The following ZSCAN23 variants were observed in gnomAD, a reference collection of about 807,000 sequenced individuals.
The protein encoded by ZSCAN23 is zinc finger and SCAN domain-containing protein 23.
ZSCAN23 carries 19 observed loss-of-function variants against 19.3 expected under a neutral mutation model. That is an observed-to-expected ratio of 0.99 (90% CI 0.69 to 1.45). The LOEUF is 1.45. Ranked by LOEUF, ZSCAN23 falls within the 40% of genes most tolerant of loss-of-function variation. The probability of loss-of-function intolerance (pLI) is 0.00; values close to 1 mark genes in which losing one functional copy is unlikely to be tolerated. For missense variants in ZSCAN23, 372 were observed against 462.5 expected (o/e 0.80, Z 1.79); for synonymous variants, 140 against 166.2 (o/e 0.84, Z 1.21).
At chr6:28,439,720 GT>G (rs1761965063) in intron 1 of ZSCAN23, among the ~76,000 whole-genome samples, 1 of 152,104 alleles carries the variant, frequency 6.6e-6, no homozygotes, top group African/African-American at 2.4e-5. Context: ...CATGAATAAG[GT>G]GCTATTATTA....
At chr6:28,428,561 T>C (rs937150535), downstream of ZSCAN23, among the ~76,000 whole-genome samples, 1 of 152,224 alleles carries the variant, frequency 6.6e-6, no homozygotes, top group Non-Finnish European at 1.5e-5. Flanking sequence ...GCCCTCTTTA[T>C]TTCTATAGCC....
At chr6:28,421,755 T>C in the ZSCAN23 span, among the ~76,000 whole-genome samples, 1 of 152,158 alleles carries the variant, frequency 6.6e-6, no homozygotes, top group Non-Finnish European at 1.5e-5. Flanking sequence ...AACTTCATTT[T>C]CTTTAACAAG....
downstream of ZSCAN23, among the ~76,000 whole-genome samples, chr6:28,431,461 A>G (rs1761760348): frequency 6.6e-6 from 1 of 152,216 alleles, no homozygotes; most frequent in Non-Finnish European, 1.5e-5. Flanking sequence ...TGTGTGGACC[A>G]CTAATATGCT....
intron 1 of ZSCAN23, among the ~76,000 whole-genome samples, chr6:28,436,881 G>A (rs923046122): frequency 5.3e-5 from 8 of 152,184 alleles, no homozygotes; most frequent in Admixed American, 5.2e-4. Flanking sequence ...TTTAAAGTGT[G>A]TAAGGTCTTG....
chr6:28,428,984 T>G (rs1201271652), downstream of ZSCAN23, among the ~76,000 whole-genome samples: 1 of 152,224 alleles, frequency 6.6e-6, no homozygotes, highest in Admixed American at 6.5e-5. Flanking sequence ...CTGCCACTCT[T>G]GTTGCCCAGG....
At position 28,433,968 on chromosome 6, in the gene ZSCAN23, C is replaced by T. The variant is rs1761815713; in HGVS notation, c.*497G>A. The T allele has an allele frequency of 6.6e-6, 1 of 152,212 alleles. No individual in the cohort carries two copies. Among genetic ancestry groups the T allele is most frequent in the African/African-American group, 2.4e-5 (1 of 41,426 alleles). 9.4% of individuals were successfully genotyped at this position (152,212 alleles called of 1,614,324 possible). On this transcript the variant is annotated 3_prime_UTR_variant, in exon 4 of 4. Coordinates refer to ENST00000289788, the MANE Select transcript of ZSCAN23 (RefSeq NM_001012455.2). ...AGAAATCTAACTTACTATAAATCTA[C>T]ATTTATATAGGAGGATTCATCTGCC... is the stretch of plus-strand genomic sequence containing the variant.
chr6:28,437,850 T>A (rs1192899409), intron 1 of ZSCAN23, among the ~76,000 whole-genome samples: 2 of 152,100 alleles, frequency 1.3e-5, no homozygotes, highest in Non-Finnish European at 2.9e-5. Context: ...CAAAACACTA[T>A]GTATCCTTGC....
chr6:28,423,839 G>A, the ZSCAN23 span, among the ~76,000 whole-genome samples: 1 of 152,018 alleles, frequency 6.6e-6, no homozygotes, highest in Non-Finnish European at 1.5e-5. Context: ...CTGAGTGAAT[G>A]GCTGTATCAA....
At position 28,434,996 on chromosome 6, in the gene ZSCAN23, A is replaced by C; in HGVS notation, c.639T>G (p.Leu213=). 6.4e-7 allele frequency: 1 copy of C among 1,551,724 alleles called. No homozygotes were observed. The change falls in exon 4 of 4, where the codon CTT becomes CTG. Residue 213 remains leucine (L), a synonymous_variant. Transcript: ENST00000289788. ...GAGTAATATTACCATTCTGTTTTCC[A>C]AGAACTTGTATAAGAGATTTCACTT... ...SQEVKSLIQV[L]GKQNGNITQI...
chr6:28,441,838 T>A (rs948750332), intron 1 of ZSCAN23, among the ~76,000 whole-genome samples: 3 of 151,052 alleles, frequency 2.0e-5, no homozygotes, highest in African/African-American at 7.3e-5. Flanking sequence ...GAAGGTAGTA[T>A]GAGATAGCAG....
At chr6:28,429,038 G>C (rs1323620200), downstream of ZSCAN23, among the ~76,000 whole-genome samples, 2 of 152,078 alleles carry the variant, frequency 1.3e-5, no homozygotes, top group Non-Finnish European at 2.9e-5. Context: ...TTCTGAAATG[G>C]TTTTCTGATC....
chr6:28,428,361 G>A (rs775925406), downstream of ZSCAN23, among the ~76,000 whole-genome samples: 12 of 152,128 alleles, frequency 7.9e-5, no homozygotes, highest in Non-Finnish European at 1.3e-4. Context: ...TTATAAAATT[G>A]TGCCACACTT....
downstream of ZSCAN23, among the ~76,000 whole-genome samples, chr6:28,427,595 A>T (rs1761682679): frequency 6.6e-6 from 1 of 152,238 alleles, no homozygotes; most frequent in African/African-American, 2.4e-5. Flanking sequence ...ATCTAAACAT[A>T]TCTAAACACA....
At chr6:28,424,370 T>G in the ZSCAN23 span, among the ~76,000 whole-genome samples, 1 of 152,188 alleles carries the variant, frequency 6.6e-6, no homozygotes, top group Non-Finnish European at 1.5e-5. Flanking sequence ...CATGGCTGAT[T>G]AGGGTGATAA....
At chr6:28,441,612 C>T (rs1295620145) in intron 1 of ZSCAN23, among the ~76,000 whole-genome samples, 1 of 152,078 alleles carries the variant, frequency 6.6e-6, no homozygotes, top group African/African-American at 2.4e-5. Flanking sequence ...CACAATTTAT[C>T]TTGTACCATT....
chr6:28,428,224 A>G (rs1220632376), downstream of ZSCAN23, among the ~76,000 whole-genome samples: 1 of 152,210 alleles, frequency 6.6e-6, no homozygotes, highest in Non-Finnish European at 1.5e-5. Context: ...TTGGAGCTCC[A>G]GGCCCTTACA....
At chr6:28,423,417 C>G in the ZSCAN23 span, among the ~76,000 whole-genome samples, 1 of 152,226 alleles carries the variant, frequency 6.6e-6, no homozygotes, top group Admixed American at 6.5e-5. Context: ...TCAGCTTCCT[C>G]TCCAAGTTCT....
intron 1 of ZSCAN23, among the ~76,000 whole-genome samples, chr6:28,437,907 A>G (rs1233676963): frequency 6.6e-6 from 1 of 152,094 alleles, no homozygotes; most frequent in East Asian, 1.9e-4. Context: ...TCATTAAAAG[A>G]CAAAACAAAA....
At position 28,433,328 on chromosome 6, in the gene ZSCAN23, C is replaced by A. The variant is rs1761798610; in HGVS notation, c.*1137G>T. Reference sequence around the variant, plus strand: ...CTCTGCTTTTAACTGGCTGTATGATCTTAGTTACTTCCCAGAACTTCCTTT... The same window carrying A: ...CTCTGCTTTTAACTGGCTGTATGATATTAGTTACTTCCCAGAACTTCCTTT... On this transcript the variant is annotated 3_prime_UTR_variant, in exon 4 of 4. Transcript: ENST00000289788. 1.3e-5 allele frequency: 2 copies of A among 152,058 alleles called. No individual in the cohort carries two copies. Among genetic ancestry groups the A allele is most frequent in the Non-Finnish European group, 2.9e-5 (2 of 67,998 alleles). The allele number at this position is 152,058 out of a possible 1,614,324, so 9.4% of individuals were successfully genotyped here. A position where few individuals can be genotyped will look rare whatever the true frequency, so the allele number is the denominator to read the frequency against.
Sources: gnomAD v4.1 joint callset for allele counts (sites outside exome capture counted in the v4.1 genomes callset) on GRCh38, gnomAD v4.1.1 for gene constraint, MANE v1.5 for transcripts, NCBI Gene and HGNC (gene_info 2026-07-23, HGNC 2026-07-21) for gene names.